The following VSNL1 variants were observed in gnomAD, a reference collection of about 807,000 sequenced individuals.
VSNL1 encodes visinin like 1.
VSNL1 carries 6 observed loss-of-function variants against 20.4 expected under a neutral mutation model. The observed-to-expected ratio is 0.29, with a 90% CI of 0.16 to 0.58. VSNL1 has a LOEUF of 0.58. Among genes scored for constraint, VSNL1 ranks in the 20% least tolerant of loss-of-function variants. VSNL1 has a pLI of 0.90. For missense variants in VSNL1, 100 were observed against 234.5 expected (o/e 0.43, Z 3.75); for synonymous variants, 93 against 86.4 (o/e 1.08, Z -0.42).
In VSNL1 at chr2:17,592,967, C is replaced by A. The variant is rs147097509; in HGVS notation, c.162+731C>A. ...TCTAAGACATTCCACTTCGTGTATA[C>A]TTATGTAATGTTACACAAGTGAAAG... On this transcript the variant is annotated intron_variant, in intron 2 of 3. Transcript: ENST00000295156. Among the ~76,000 whole-genome samples the A allele has an allele frequency of 3.5e-3, 526 of 152,190 alleles. 3 individuals are homozygous for A. The highest frequency in any genetic ancestry group is 1.0e-2 in the African/African-American group (414 of 41,520).
At chr2:17,578,283 A>T (rs1442694315) in intron 1 of VSNL1, among the ~76,000 whole-genome samples, 4 of 152,172 alleles carry the variant, frequency 2.6e-5, no homozygotes, top group African/African-American at 9.7e-5. Context: ...CCACTGTGTG[A>T]TGGAAGGCAC....
intron 1 of VSNL1, among the ~76,000 whole-genome samples, chr2:17,543,312 C>T (rs148295292): frequency 9.2e-5 from 14 of 152,298 alleles, no homozygotes; most frequent in African/African-American, 3.4e-4. Context: ...TGAGAACTGC[C>T]CAGGGCCCAT....
At chr2:17,559,248 C>T (rs1663756307) in intron 1 of VSNL1, among the ~76,000 whole-genome samples, 2 of 152,210 alleles carry the variant, frequency 1.3e-5, no homozygotes, top group South Asian at 2.1e-4. Context: ...TAATATAATC[C>T]TTGCTAAAAA....
chr2:17,548,961 C>G (rs1663462724), intron 1 of VSNL1, among the ~76,000 whole-genome samples: 1 of 152,122 alleles, frequency 6.6e-6, no homozygotes, highest in South Asian at 2.1e-4. Flanking sequence ...ATGAACAGTC[C>G]TCTCCCACTC....
chr2:17,640,867 T>C (rs1051318924), intron 2 of VSNL1, among the ~76,000 whole-genome samples: 1 of 152,212 alleles, frequency 6.6e-6, no homozygotes, highest in South Asian at 2.1e-4. Flanking sequence ...ATTTGAAATA[T>C]ACAATAAATT....
chr2:17,594,499 G>C (rs956086663), intron 2 of VSNL1, among the ~76,000 whole-genome samples: 11 of 152,208 alleles, frequency 7.2e-5, no homozygotes, highest in Non-Finnish European at 4.4e-5. Flanking sequence ...CAGAAGATGG[G>C]CTGATGAGAA....
intron 1 of VSNL1, among the ~76,000 whole-genome samples, chr2:17,547,233 T>C (rs1663424775): frequency 6.6e-6 from 1 of 152,040 alleles, no homozygotes; most frequent in Non-Finnish European, 1.5e-5. Context: ...CCTCAGTTTC[T>C]AATAGTAATT....
intron 2 of VSNL1, among the ~76,000 whole-genome samples, chr2:17,642,307 TCC>T (rs1665897430): frequency 8.5e-6 from 1 of 116,962 alleles, no homozygotes; most frequent in Non-Finnish European, 1.8e-5. Flanking sequence ...TGGTGAGCAT[TCC>T]TTTTTTTTTT....
intron 1 of VSNL1, among the ~76,000 whole-genome samples, chr2:17,580,503 C>G (rs1664326215): frequency 6.6e-6 from 1 of 152,212 alleles, no homozygotes; most frequent in Admixed American, 6.5e-5. Flanking sequence ...CATGGGACCA[C>G]ACCTTTCCCT....
Position 17,649,651 on chromosome 2 carries a change from G to A in VSNL1, c.378+26G>A, listed in dbSNP as rs1666081506. ...GTGAGGCCCGGGGTGTGGTTGGCGG[G>A]TGGTGGGCACAGAAGGAGACCCCAC... On this transcript the variant is annotated intron_variant, in intron 3 of 3. Transcript: ENST00000295156. This position sits in a 1 kb window ranked among gnomAD's most constrained non-coding sequence, Gnocchi z 6.4. The A allele has an allele frequency of 2.5e-6, 4 of 1,612,204 alleles. No homozygotes were observed. Among genetic ancestry groups the A allele is most frequent in the Non-Finnish European group, 3.4e-6 (4 of 1,178,992 alleles).
intron 1 of VSNL1, among the ~76,000 whole-genome samples, chr2:17,589,308 G>A (rs932506686): frequency 3.9e-5 from 6 of 152,206 alleles, no homozygotes; most frequent in African/African-American, 1.4e-4. Flanking sequence ...TAAGTAGGCA[G>A]GACCTGAGCC....
intron 2 of VSNL1, among the ~76,000 whole-genome samples, chr2:17,604,401 GCCTAGT>G (rs913251795): frequency 2.6e-5 from 4 of 152,248 alleles, no homozygotes; most frequent in Non-Finnish European, 5.9e-5. Context: ...CAGCCCACCA[GCCTAGT>G]CTTGTGGTGT....
chr2:17,592,512 C>G (rs989583350), intron 2 of VSNL1, among the ~76,000 whole-genome samples: 2 of 152,082 alleles, frequency 1.3e-5, no homozygotes, highest in African/African-American at 4.8e-5. Context: ...ATAAAAAGCT[C>G]AGAGAAGAGT....
At chr2:17,604,958 T>C (rs1180630981) in intron 2 of VSNL1, among the ~76,000 whole-genome samples, 1 of 152,172 alleles carries the variant, frequency 6.6e-6, no homozygotes, top group Non-Finnish European at 1.5e-5. Flanking sequence ...TGTTAAGTAA[T>C]AGCTGAAAAG....
chr2:17,573,205 C>G (rs895081748), intron 1 of VSNL1, among the ~76,000 whole-genome samples: 1 of 152,108 alleles, frequency 6.6e-6, no homozygotes, highest in African/African-American at 2.4e-5. Flanking sequence ...TGCAAATTTA[C>G]TCATGTTTTA....
intron 2 of VSNL1, among the ~76,000 whole-genome samples, chr2:17,603,088 C>T (rs1572358974): frequency 6.6e-6 from 1 of 152,340 alleles, no homozygotes; most frequent in East Asian, 1.9e-4. Context: ...GATTTCAAGA[C>T]ACCTTGAAAT....
At chr2:17,621,802 G>A (rs1192156340) in intron 2 of VSNL1, among the ~76,000 whole-genome samples, 1 of 151,996 alleles carries the variant, frequency 6.6e-6, no homozygotes, top group Non-Finnish European at 1.5e-5. Flanking sequence ...TAATTTTTTT[G>A]TTGTTGTTTC....
intron 2 of VSNL1, among the ~76,000 whole-genome samples, chr2:17,609,969 T>C (rs569484096): frequency 1.6e-4 from 24 of 152,366 alleles, no homozygotes; most frequent in African/African-American, 5.8e-4. Flanking sequence ...ACTGGTTGAC[T>C]GTAACTACTA....
intron 1 of VSNL1, 139 bp from the exon 2 acceptor site, chr2:17,591,931 G>A: frequency 1.3e-6 from 1 of 799,708 alleles, no homozygotes; most frequent in Non-Finnish European, 2.0e-6. Context: ...GTAGAAGGAG[G>A]CAGACTTGGG....
Sources: gnomAD v4.1 joint callset for allele counts (sites outside exome capture counted in the v4.1 genomes callset) on GRCh38, gnomAD v4.1.1 for gene constraint, Gnocchi (gnomAD v3.1) non-coding constraint, MANE v1.5 for transcripts, NCBI Gene and HGNC (gene_info 2026-07-23, HGNC 2026-07-21) for gene names.